Variants in LRRC51 observed in about 807,000 individuals in gnomAD.
LRRC51 encodes leucine-rich repeat-containing protein 51.
In LRRC51, 8 loss-of-function variants were observed where a neutral mutation model predicts 17.8. The observed-to-expected ratio is 0.45, with a 90% confidence interval of 0.26 to 0.81. LRRC51 has a LOEUF of 0.81. Among genes scored for constraint, LRRC51 ranks in the 30% least tolerant of loss-of-function variants. LRRC51 has a pLI of 0.17. For synonymous variants in LRRC51, 92 were observed against 96.0 expected, an observed-to-expected ratio of 0.96 and a Z score of 0.24; for missense variants, 233 against 239.3, an observed-to-expected ratio of 0.97 and a Z score of 0.17.
At chr11:72,086,827 CTG>C (rs1245042568) in intron 1 of LRRC51, among the ~76,000 whole-genome samples, 1 of 152,178 alleles carries the variant, frequency 6.6e-6, no homozygotes, top group African/African-American at 2.4e-5. Flanking sequence ...GTGCATAACT[CTG>C]GGGTACCAAC....
chr11:72,089,114 G>T lies in LRRC51; in HGVS notation c.31G>T (p.Val11Leu). Reference sequence around the variant, plus strand: ...CAAACGGGACTATATGAACACTTCGGTACAGGAGCCCCCTCTTGACTACTC... The same window carrying T: ...CAAACGGGACTATATGAACACTTCGTTACAGGAGCCCCCTCTTGACTACTC... MNKRDYMNTS[V>L]QEPPLDYSFR... Residue 11 changes from valine to leucine, a missense_variant, in exon 3 of 6, where the codon GTA becomes TTA. By Grantham distance (32) the Val-to-Leu change is conservative. Coordinates refer to ENST00000289488, the MANE Select transcript of LRRC51 (RefSeq NM_145309.6). The T allele has an allele frequency of 6.2e-7, 1 of 1,614,072 alleles. No individual in the cohort carries two copies. The highest frequency in any genetic ancestry group is 8.5e-7 in the Non-Finnish European group (1 of 1,180,004).
At chr11:72,081,298 A>G (rs1413618440) in intron 1 of LRRC51, among the ~76,000 whole-genome samples, 1 of 152,114 alleles carries the variant, frequency 6.6e-6, no homozygotes, top group Non-Finnish European at 1.5e-5. Context: ...GGCGCGCTCC[A>G]GTGGCCCCAG....
intron 1 of LRRC51, chr11:72,085,464 G>A (rs1944480345): frequency 6.7e-6 from 1 of 149,024 alleles, no homozygotes. Context: ...TCTTGTCCCT[G>A]TCCTCAAGCT....
intron 1 of LRRC51, chr11:72,086,243 T>G: frequency 1.7e-6 from 1 of 589,930 alleles, no homozygotes; most frequent in Non-Finnish European, 3.0e-6. Flanking sequence ...TGGGCAGCTG[T>G]TACTTGGAAC....
chr11:72,093,904 C>T (rs112016118), intron 4 of LRRC51, among the ~76,000 whole-genome samples: 4 of 152,322 alleles, frequency 2.6e-5, no homozygotes, highest in African/African-American at 9.6e-5. Flanking sequence ...GAGCAAGCTA[C>T]CTAACCTCTC....
At chr11:72,088,240 G>A in intron 1 of LRRC51, 57 bp from the exon 2 acceptor site, 1 of 631,948 alleles carries the variant, frequency 1.6e-6, no homozygotes, top group Non-Finnish European at 2.9e-6. Context: ...GATCTGATAA[G>A]ACAATTCACA....
intron 1 of LRRC51, among the ~76,000 whole-genome samples, chr11:72,084,836 CAAAAAAA>C (rs386374128): frequency 9.8e-6 from 1 of 101,716 alleles, no homozygotes; most frequent in East Asian, 3.0e-4. Context: ...GACCTTGTCT[CAAAAAAA>C]AAAAAAAAAA....
chr11:72,094,584 T>G (rs1052558626), intron 4 of LRRC51: 8 of 629,448 alleles, frequency 1.3e-5, no homozygotes, highest in East Asian at 2.7e-5. Context: ...TTTAAAAGCT[T>G]CTTATGTGCC....
intron 1 of LRRC51, among the ~76,000 whole-genome samples, chr11:72,081,427 A>G (rs1944189079): frequency 6.6e-6 from 1 of 152,154 alleles, no homozygotes; most frequent in South Asian, 2.1e-4. Context: ...ATCTCAAAAC[A>G]AAACAAAACG....
chr11:72,087,152 A>C (rs2136491184), intron 1 of LRRC51, among the ~76,000 whole-genome samples: 1 of 152,350 alleles, frequency 6.6e-6, no homozygotes, highest in African/African-American at 2.4e-5. Flanking sequence ...TTTCAGAACA[A>C]GACATTCATT....
chr11:72,093,049 G>A (rs1944954710), intron 3 of LRRC51, among the ~76,000 whole-genome samples: 1 of 152,182 alleles, frequency 6.6e-6, no homozygotes, highest in African/African-American at 2.4e-5. Context: ...CCAGTACCTG[G>A]CATACTGTAG....
At position 72,089,166 on chromosome 11, in the gene LRRC51, G is replaced by T; in HGVS notation, c.82+1G>T. 6.2e-7 allele frequency: 1 copy of T among 1,614,146 alleles called. No individual in the cohort carries two copies. The highest frequency in any genetic ancestry group is 8.5e-7 in the Non-Finnish European group (1 of 1,180,020). Reference sequence around the variant, plus strand: ...TTCAGAAGCATCCACGTCATTCAAGGTCAGCCCCCAGAGCACAGTACTCCA... The same window carrying T: ...TTCAGAAGCATCCACGTCATTCAAGTTCAGCCCCCAGAGCACAGTACTCCA... On this transcript the variant is annotated splice_donor_variant, in intron 3 of 5. Coordinates refer to ENST00000289488, the MANE Select transcript of LRRC51 (RefSeq NM_145309.6). LOFTEE classifies it high-confidence loss of function.
At chr11:72,087,192 G>A (rs1944579304) in intron 1 of LRRC51, among the ~76,000 whole-genome samples, 1 of 150,758 alleles carries the variant, frequency 6.6e-6, no homozygotes, top group African/African-American at 2.4e-5. Context: ...CTTGATCCAT[G>A]TATATGTTAA....
intron 1 of LRRC51, chr11:72,086,044 A>G (rs1376463421): frequency 1.1e-5 from 2 of 184,824 alleles, no homozygotes; most frequent in Non-Finnish European, 2.2e-5. Flanking sequence ...TGGTCCCAGC[A>G]TCAGAGTGAG....
At chr11:72,088,464 T>C (rs1210501517) in intron 2 of LRRC51, 84 bp downstream of exon 2, 15 of 695,730 alleles carry the variant, frequency 2.2e-5, no homozygotes, top group Non-Finnish European at 2.9e-5. Context: ...GAAAGTAGGG[T>C]ATTTGGATGG....
chr11:72,082,914 G>A (rs1057447127), intron 1 of LRRC51, among the ~76,000 whole-genome samples: 1 of 151,524 alleles, frequency 6.6e-6, no homozygotes, highest in Non-Finnish European at 1.5e-5. Context: ...TGCCCAGGCT[G>A]GAGTGCAATG....
At chr11:72,088,983 T>C in intron 2 of LRRC51, 46 bp from the exon 3 acceptor site, 1 of 1,603,698 alleles carries the variant, frequency 6.2e-7, no homozygotes, top group Non-Finnish European at 8.5e-7. Context: ...TGGGGAAACC[T>C]GAAAGCCGGT....
At position 72,095,929 on chromosome 11, in the gene LRRC51, G is replaced by A. The variant is rs1368614935; in HGVS notation, c.*409G>A. ...GCGATCTCAGCTCACTGCAACCTCCGCCTGCTGGGTTCAAGCGATTCTCCT... is the reference window on the plus strand; with the variant it reads ...GCGATCTCAGCTCACTGCAACCTCCACCTGCTGGGTTCAAGCGATTCTCCT... On this transcript the variant is annotated 3_prime_UTR_variant, in exon 6 of 6. Coordinates refer to ENST00000289488, the MANE Select transcript of LRRC51 (RefSeq NM_145309.6). 1.1e-5 allele frequency: 3 copies of A among 277,976 alleles called. No homozygotes were observed. The highest frequency in any genetic ancestry group is 3.6e-5 in the South Asian group (1 of 27,942). The allele number at this position is 277,976 out of a possible 1,614,324, so 17.2% of individuals were successfully genotyped here.
At chr11:72,094,067 A>C (rs940437293) in intron 4 of LRRC51, among the ~76,000 whole-genome samples, 1 of 152,158 alleles carries the variant, frequency 6.6e-6, no homozygotes, top group Non-Finnish European at 1.5e-5. Flanking sequence ...GGTGGATCAC[A>C]AGGTCAAGAG....
Sources: allele counts gnomAD v4.1 joint callset (sites outside exome capture counted in the v4.1 genomes callset), GRCh38; gene constraint gnomAD v4.1.1; transcripts MANE v1.5; gene names NCBI Gene and HGNC (gene_info 2026-07-23, HGNC 2026-07-21).